SEMA5A: variants seen among roughly 807,000 people sequenced by gnomAD.
SEMA5A encodes the protein semaphorin 5A, also known as semaphorin-5A.
SEMA5A carries 55 observed loss-of-function variants against 135.5 expected under a neutral mutation model. That is an observed-to-expected ratio of 0.41 (90% CI 0.33 to 0.51). SEMA5A has a LOEUF of 0.51. Among genes scored for constraint, SEMA5A ranks in the 20% least tolerant of loss-of-function variants. The pLI, the probability that SEMA5A is intolerant of heterozygous loss-of-function variation, is 0.37. For synonymous variants in SEMA5A, 580 were observed against 546.5 expected (o/e 1.06, Z -0.85); for missense variants, 1,290 against 1,419.9 (o/e 0.91, Z 1.47).
chr5:9,456,905 C>T (rs959459817), intron 1 of SEMA5A, among the ~76,000 whole-genome samples: 6 of 152,152 alleles, frequency 3.9e-5, no homozygotes, highest in Admixed American at 3.9e-4. Context: ...AAGTACCCTG[C>T]CCTGCTCGCA....
intron 5 of SEMA5A, among the ~76,000 whole-genome samples, chr5:9,238,907 A>G (rs2150455723): frequency 6.6e-6 from 1 of 152,294 alleles, no homozygotes; most frequent in Non-Finnish European, 1.5e-5. Flanking sequence ...AATTTGGACT[A>G]ATGTCAAATA....
intron 3 of SEMA5A, among the ~76,000 whole-genome samples, chr5:9,375,587 G>C (rs998288653): frequency 6.7e-6 from 1 of 148,756 alleles, no homozygotes; most frequent in African/African-American, 2.5e-5. Context: ...GAGACAATTA[G>C]GTTGTTTTAA....
chr5:9,085,620 G>A (rs1738638042), intron 16 of SEMA5A, among the ~76,000 whole-genome samples: 1 of 152,212 alleles, frequency 6.6e-6, no homozygotes, highest in African/African-American at 2.4e-5. Flanking sequence ...GGAAACACAT[G>A]AATGTCCAGG....
intron 3 of SEMA5A, among the ~76,000 whole-genome samples, chr5:9,354,146 T>G (rs539638577): frequency 6.6e-6 from 1 of 152,262 alleles, no homozygotes; most frequent in South Asian, 2.1e-4. Context: ...AAAATAAATG[T>G]CCTTCCATTG....
At chr5:9,294,215 C>T (rs1361533857) in intron 5 of SEMA5A, among the ~76,000 whole-genome samples, 1 of 152,168 alleles carries the variant, frequency 6.6e-6, no homozygotes, top group Non-Finnish European at 1.5e-5. Context: ...CTCAGCTCGG[C>T]TGCAGCCACT....
At position 9,148,934 on chromosome 5, in the gene SEMA5A, G is replaced by A. The variant is rs529669766; in HGVS notation, c.1481+5554C>T. On this transcript the variant is annotated intron_variant, in intron 12 of 22. Coordinates refer to ENST00000382496, the MANE Select transcript of SEMA5A (RefSeq NM_003966.3). Reference sequence around the variant, plus strand: ...GGGGTTTTGCCATGTTGGCCAGGCTGGTCTTGAACTCCTGACCTCAAGTGA... The same window carrying A: ...GGGGTTTTGCCATGTTGGCCAGGCTAGTCTTGAACTCCTGACCTCAAGTGA... Among the ~76,000 whole-genome samples, 3 of 152,208 alleles carry A rather than the reference G, an allele frequency of 2.0e-5. No homozygotes were observed. The South Asian group carries it at 6.2e-4, about 32-fold the overall frequency.
At chr5:9,367,669 T>C (rs182297186) in intron 3 of SEMA5A, among the ~76,000 whole-genome samples, 1 of 152,292 alleles carries the variant, frequency 6.6e-6, no homozygotes, top group Non-Finnish European at 1.5e-5. Flanking sequence ...AAAATAACTT[T>C]GTGAGGAAAA....
Position 9,224,548 on chromosome 5 carries a change from A to G in SEMA5A, c.646+126T>C, listed in dbSNP as rs186625825. On this transcript the variant is annotated intron_variant, in intron 8 of 22. Transcript: ENST00000382496. ...TTATCATTAGTCCTGAACAAGCGACACTTTGATTTCTTTAGAAGATGAAGA... is the reference window on the plus strand; with the variant it reads ...TTATCATTAGTCCTGAACAAGCGACGCTTTGATTTCTTTAGAAGATGAAGA... 1.4e-3 allele frequency: 1,180 copies of G among 826,058 alleles called. 3 individuals are homozygous for G. Among genetic ancestry groups the G allele is most frequent in the Admixed American group, 5.4e-3 (241 of 44,290 alleles). 51.2% of individuals were successfully genotyped at this position (826,058 alleles called of 1,614,324 possible). A position where few individuals can be genotyped will look rare whatever the true frequency, so the allele number is the denominator to read the frequency against.
chr5:9,420,032 G>T (rs899747973), intron 2 of SEMA5A, among the ~76,000 whole-genome samples: 1 of 152,084 alleles, frequency 6.6e-6, no homozygotes, highest in African/African-American at 2.4e-5. Context: ...GTTCCAGATG[G>T]AGTTCAAATA....
At chr5:9,194,248 C>T (rs1280157004) in intron 10 of SEMA5A, among the ~76,000 whole-genome samples, 7 of 151,974 alleles carry the variant, frequency 4.6e-5, no homozygotes, top group Admixed American at 1.3e-4. Flanking sequence ...ATATTTTGTC[C>T]GAAAAAAATG....
In SEMA5A at chr5:9,051,867, T is replaced by C; in HGVS notation, c.2845+6A>G. On this transcript the variant is annotated splice_donor_region_variant and intron_variant, in intron 20 of 22. Coordinates refer to ENST00000382496, the MANE Select transcript of SEMA5A (RefSeq NM_003966.3). ...TATTCTTACTGATAAATACCTCTGCTCTTACCTGGGATGAAATTAGAGTCA... is the reference window on the plus strand; with the variant it reads ...TATTCTTACTGATAAATACCTCTGCCCTTACCTGGGATGAAATTAGAGTCA... 6.2e-7 allele frequency: 1 copy of C among 1,614,170 alleles called. No homozygotes were observed. The highest frequency in any genetic ancestry group is 8.5e-7 in the Non-Finnish European group (1 of 1,180,016).
At chr5:9,076,833 T>C (rs945687832) in intron 16 of SEMA5A, among the ~76,000 whole-genome samples, 1 of 151,826 alleles carries the variant, frequency 6.6e-6, no homozygotes, top group Non-Finnish European at 1.5e-5. Context: ...ATCTACCACA[T>C]AGCCAGCCAG....
intron 11 of SEMA5A, among the ~76,000 whole-genome samples, chr5:9,176,894 G>C (rs1348051060): frequency 6.6e-6 from 1 of 152,208 alleles, no homozygotes; most frequent in Non-Finnish European, 1.5e-5. Context: ...GCACAGATGG[G>C]TGACCACTGA....
chr5:9,194,609 A>G (rs1175445129), intron 10 of SEMA5A, among the ~76,000 whole-genome samples: 1 of 152,258 alleles, frequency 6.6e-6, no homozygotes, highest in Non-Finnish European at 1.5e-5. Context: ...TATCAAATAG[A>G]GTAAACATAA....
chr5:9,297,769 C>T lies in SEMA5A; in HGVS notation c.270+20603G>A, dbSNP rs547999462. ...TAAAGACAGGGTTTTTCCATGTTGC[C>T]CAGACTGGTCTTGAACTCCTGGGCT... On this transcript the variant is annotated intron_variant, in intron 5 of 22. Transcript: ENST00000382496. Among the ~76,000 whole-genome samples the T allele has an allele frequency of 4.6e-4, 69 of 151,456 alleles. No homozygotes were observed. The Middle Eastern group carries it at 0.014, about 30-fold the overall frequency.
intron 5 of SEMA5A, among the ~76,000 whole-genome samples, chr5:9,278,992 C>T (rs926852575): frequency 2.0e-5 from 3 of 152,210 alleles, no homozygotes; most frequent in Non-Finnish European, 4.4e-5. Context: ...TGGAACACTG[C>T]CTAGTGGAGC....
chr5:9,534,245 T>A (rs1737620836), intron 1 of SEMA5A, among the ~76,000 whole-genome samples: 1 of 152,206 alleles, frequency 6.6e-6, no homozygotes, highest in Non-Finnish European at 1.5e-5. Flanking sequence ...CCCCGACTCT[T>A]AATGATGACG....
chr5:9,116,495 T>C (rs1042494448), intron 15 of SEMA5A, among the ~76,000 whole-genome samples: 2 of 151,888 alleles, frequency 1.3e-5, no homozygotes, highest in Admixed American at 6.5e-5. Context: ...GCTAGAGTTA[T>C]TTTTCAGAAA....
At chr5:9,384,595 G>GATAGATAC (rs1755765820) in intron 2 of SEMA5A, among the ~76,000 whole-genome samples, 2 of 100,706 alleles carry the variant, frequency 2.0e-5, no homozygotes, top group Non-Finnish European at 4.3e-5. Context: ...TAGATAGATA[G>GATAGATAC]ATAGATAGAT....
Sources: gnomAD v4.1 joint callset for allele counts (sites outside exome capture counted in the v4.1 genomes callset) on GRCh38, gnomAD v4.1.1 for gene constraint, MANE v1.5 for transcripts, NCBI Gene and HGNC (gene_info 2026-07-23, HGNC 2026-07-21) for gene names.